Variants in PRLR observed in about 807,000 individuals in gnomAD.
PRLR encodes the protein prolactin receptor.
PRLR carries 13 observed loss-of-function variants against 40.2 expected under a neutral mutation model. The observed-to-expected ratio is 0.32, with a 90% CI of 0.21 to 0.51. The LOEUF is 0.51. Ranked by LOEUF, PRLR falls within the 20% of genes least tolerant of loss-of-function variation. The pLI is 0.97. For synonymous variants in PRLR, 269 were observed against 278.7 expected (o/e 0.97, Z 0.35); for missense variants, 656 against 747.3 (o/e 0.88, Z 1.42).
chr5:35,070,294 A>G (rs748900669), intron 6 of PRLR, 29 bp from the exon 7 acceptor site: 9 of 1,609,884 alleles, frequency 5.6e-6, no homozygotes, highest in Non-Finnish European at 7.6e-6. Flanking sequence ...AACAGAAGTC[A>G]ATTCTAACAT....
At chr5:35,219,604 G>A (rs1298878371) in intron 1 of PRLR, among the ~76,000 whole-genome samples, 1 of 152,180 alleles carries the variant, frequency 6.6e-6, no homozygotes, top group Non-Finnish European at 1.5e-5. Flanking sequence ...CAGCCAAAGT[G>A]TCAAAACACT....
At chr5:35,198,639 G>T (rs1775799361) in intron 1 of PRLR, among the ~76,000 whole-genome samples, 1 of 152,224 alleles carries the variant, frequency 6.6e-6, no homozygotes, top group African/African-American at 2.4e-5. Context: ...TTAAGTAGGA[G>T]ATACCAATCT....
At chr5:35,049,503 C>T (rs533396861) in intron 8 of PRLR, 26 of 634,562 alleles carry the variant, frequency 4.1e-5, no homozygotes, top group South Asian at 2.4e-4. Flanking sequence ...ATAAATTATT[C>T]GGATTACCAT....
intron 1 of PRLR, among the ~76,000 whole-genome samples, chr5:35,212,135 G>A (rs1776184383): frequency 6.6e-6 from 1 of 152,188 alleles, no homozygotes; most frequent in East Asian, 1.9e-4. Flanking sequence ...ATGAATATAA[G>A]TTCTTCTACA....
chr5:35,194,594 C>T (rs919289857), intron 1 of PRLR, among the ~76,000 whole-genome samples: 10 of 152,070 alleles, frequency 6.6e-5, no homozygotes, highest in African/African-American at 1.9e-4. Flanking sequence ...AGTGCTAAAA[C>T]GGAGAGAAGC....
At chr5:35,101,790 A>G (rs1403910659) in intron 2 of PRLR, among the ~76,000 whole-genome samples, 1 of 148,374 alleles carries the variant, frequency 6.7e-6, no homozygotes, top group African/African-American at 2.4e-5. Context: ...TAAAACATAT[A>G]TATAACTTAT....
chr5:35,126,813 C>T (rs2111755523), intron 1 of PRLR, among the ~76,000 whole-genome samples: 1 of 152,314 alleles, frequency 6.6e-6, no homozygotes, highest in Admixed American at 6.5e-5. Context: ...ATTGATTGGA[C>T]ATCTGGTACG....
At position 35,066,215 on chromosome 5, in the gene PRLR, C is replaced by A. The variant is rs549714207; in HGVS notation, c.856-113G>T. On this transcript the variant is annotated intron_variant, in intron 9 of 9. Transcript: ENST00000618457. Reference sequence around the variant, plus strand: ...CACAAGCAGGTGGGAAGATCTCAAACTTCAGACATTTGTGTGCCAGGCCAT... The same window carrying A: ...CACAAGCAGGTGGGAAGATCTCAAAATTCAGACATTTGTGTGCCAGGCCAT... 4.6e-6 allele frequency: 5 copies of A among 1,082,342 alleles called. No individual in the cohort carries two copies. The Admixed American group carries it at 1.1e-4, about 24-fold the overall frequency. 67.0% of individuals were successfully genotyped at this position (1,082,342 alleles called of 1,614,324 possible). A position where few individuals can be genotyped will look rare whatever the true frequency, so the allele number is the denominator to read the frequency against.
intron 1 of PRLR, among the ~76,000 whole-genome samples, chr5:35,143,841 A>G (rs753542192): frequency 4.6e-5 from 7 of 152,210 alleles, no homozygotes; most frequent in Non-Finnish European, 7.3e-5. Context: ...TGCTAAGTTT[A>G]TAAAACAGAT....
rs1300775800 is a variant in PRLR, at chr5:35,056,628, T to C, written c.*8461A>G. 1 of 152,208 alleles carries C rather than the reference T, an allele frequency of 6.6e-6. No homozygotes were observed. Among genetic ancestry groups the C allele is most frequent in the African/African-American group, 2.4e-5 (1 of 41,466 alleles). 9.4% of individuals were successfully genotyped at this position (152,208 alleles called of 1,614,324 possible). On this transcript the variant is annotated 3_prime_UTR_variant, in exon 10 of 10. Transcript: ENST00000618457. ...ATTTCTGTTTTCTTTCCGGAAAGTATATTCAATGCTTTTGAAAAATTAGCT... is the reference window on the plus strand; with the variant it reads ...ATTTCTGTTTTCTTTCCGGAAAGTACATTCAATGCTTTTGAAAAATTAGCT...
chr5:35,084,236 A>C (rs563613925), intron 5 of PRLR, among the ~76,000 whole-genome samples: 253 of 152,332 alleles, frequency 1.7e-3, no homozygotes, highest in Non-Finnish European at 2.9e-3. Context: ...TGAGTGCAAG[A>C]GGATGAGGGT....
intron 1 of PRLR, among the ~76,000 whole-genome samples, chr5:35,160,347 GC>G: frequency 6.6e-6 from 1 of 152,284 alleles, no homozygotes; most frequent in East Asian, 1.9e-4. Context: ...AAATGCCTTT[GC>G]AAAAATTGTA....
intron 1 of PRLR, among the ~76,000 whole-genome samples, chr5:35,205,710 G>A (rs1419682225): frequency 6.6e-6 from 1 of 152,108 alleles, no homozygotes; most frequent in Non-Finnish European, 1.5e-5. Context: ...GACTTTTTAT[G>A]TTCTCTATTT....
chr5:35,051,171 G>A (rs547114247), downstream of PRLR, among the ~76,000 whole-genome samples: 1 of 152,210 alleles, frequency 6.6e-6, no homozygotes, highest in African/African-American at 2.4e-5. Flanking sequence ...GGGACACATG[G>A]ATTACCTTAG....
intron 5 of PRLR, among the ~76,000 whole-genome samples, chr5:35,075,100 T>A (rs557188873): frequency 6.6e-6 from 1 of 152,280 alleles, no homozygotes; most frequent in East Asian, 1.9e-4. Context: ...TAGGAACAGC[T>A]CCAGTCTACA....
chr5:35,113,675 G>A (rs946017504), intron 2 of PRLR, among the ~76,000 whole-genome samples: 2 of 152,232 alleles, frequency 1.3e-5, no homozygotes. Context: ...AGTACTTCCA[G>A]TCTCCTGAAG....
intron 1 of PRLR, among the ~76,000 whole-genome samples, chr5:35,126,495 G>T (rs893893789): frequency 6.6e-6 from 1 of 152,096 alleles, no homozygotes. Flanking sequence ...AAAATTGGAG[G>T]ATTTTTTTTC....
intron 1 of PRLR, among the ~76,000 whole-genome samples, chr5:35,217,815 G>A (rs1237477326): frequency 6.6e-6 from 1 of 152,132 alleles, no homozygotes; most frequent in Admixed American, 6.5e-5. Context: ...AAGTTGCTAA[G>A]AGAAAAATAA....
intron 1 of PRLR, among the ~76,000 whole-genome samples, chr5:35,179,809 G>C (rs986911715): frequency 3.9e-5 from 6 of 152,134 alleles, no homozygotes; most frequent in Admixed American, 2.0e-4. Flanking sequence ...AGTTCCCAAA[G>C]TTTTTGGCAC....
Sources: gnomAD v4.1 joint callset for allele counts (sites outside exome capture counted in the v4.1 genomes callset) on GRCh38, gnomAD v4.1.1 for gene constraint, MANE v1.5 for transcripts, NCBI Gene and HGNC (gene_info 2026-07-23, HGNC 2026-07-21) for gene names.